The following XG variants were observed in gnomAD, a reference collection of about 807,000 sequenced individuals.
XG encodes the protein Xg glycoprotein (Xg blood group).
In XG, 24 loss-of-function variants were observed where a neutral mutation model predicts 25.7. That is an observed-to-expected ratio of 0.93 (90% CI 0.68 to 1.31). The LOEUF is 1.31. XG is among the 40% of genes most tolerant of loss of function. The pLI is 0.00. For missense variants in XG, 181 were observed against 187.6 expected, an observed-to-expected ratio of 0.96 and a Z score of 0.21; for synonymous variants, 77 against 69.2, an observed-to-expected ratio of 1.11 and a Z score of -0.56.
chrX:2,782,598 T>TGA (rs1340331950), intron 4 of XG, among the ~76,000 whole-genome samples: 1 of 110,862 alleles, frequency 9.0e-6, no homozygotes, highest in African/African-American at 3.3e-5. Context: ...CATAGGGGGT[T>TGA]GAAGTGAGGT....
chrX:2,756,481 A>G, intron 1 of XG, among the ~76,000 whole-genome samples: 1 of 152,354 alleles, frequency 6.6e-6, no homozygotes, highest in Middle Eastern at 3.4e-3. Context: ...ACAAATATTT[A>G]AGGTGGATGG....
At chrX:2,770,044 G>A (rs1388442597) in intron 1 of XG, among the ~76,000 whole-genome samples, 6 of 150,188 alleles carry the variant, frequency 4.0e-5, no homozygotes, top group East Asian at 3.9e-4. Context: ...GTTGGGGGGC[G>A]GGGATATGCC....
intron 1 of XG, among the ~76,000 whole-genome samples, chrX:2,766,208 T>G (rs745801114): frequency 1.3e-5 from 2 of 152,304 alleles, no homozygotes; most frequent in East Asian, 3.9e-4. Flanking sequence ...TGGCACAGTC[T>G]TGGCTCACTG....
intron 6 of XG, 140 bp downstream of exon 6, chrX:2,794,743 ACAGAGAAGGCCCCATGGCCGCAT>A: frequency 1.4e-6 from 1 of 699,508 alleles, no homozygotes; most frequent in Non-Finnish European, 2.1e-6. Flanking sequence ...GCAGGGGATG[ACAGAGAAGGCCCCATGGCCGCAT>A]CAGTGGGGTT....
intron 1 of XG, among the ~76,000 whole-genome samples, chrX:2,766,562 T>A (rs1261343384): frequency 7.4e-5 from 2 of 26,850 alleles, no homozygotes; most frequent in African/African-American, 3.9e-4. Flanking sequence ...GGCCACTTTT[T>A]TTTTTTTTTT....
intron 7 of XG, among the ~76,000 whole-genome samples, chrX:2,799,481 G>GAA (rs1209246772): frequency 9.0e-6 from 1 of 111,562 alleles, no homozygotes. Flanking sequence ...CTGGCTCAGT[G>GAA]AATCTGTGTT....
chrX:2,758,964 C>CTATT (rs1363707523), intron 1 of XG, among the ~76,000 whole-genome samples: 2 of 151,968 alleles, frequency 1.3e-5, no homozygotes, highest in Non-Finnish European at 2.9e-5. Context: ...ATTTATCTAT[C>CTATT]TTTCTACCTA....
At chrX:2,786,258 G>GTTTTTTTTTTTTTTTTTTTTTTT (rs1569039363) in intron 4 of XG, among the ~76,000 whole-genome samples, 1 of 26,267 alleles carries the variant, frequency 3.8e-5, no homozygotes, top group African/African-American at 1.3e-4. Flanking sequence ...TATCCATGTT[G>GTTTTTTTTTTTTTTTTTTTTTTT]TCTTTTTTTT....
chrX:2,759,525 A>G lies in XG; in HGVS notation c.61+7190A>G, dbSNP rs755848304. ...TCTTTTCCCCATAGGGCATAGAGCC[A>G]TGGCACATATAACCCAGAAGCTGAG... On this transcript the variant is annotated intron_variant, in intron 1 of 10. Transcript: ENST00000644266. Among the ~76,000 whole-genome samples, 168 of 152,358 alleles carry G rather than the reference A, an allele frequency of 1.1e-3. 1 individual carries two copies. Among genetic ancestry groups the G allele is most frequent in the African/African-American group, 3.8e-3 (160 of 41,578 alleles).
intron 2 of XG, among the ~76,000 whole-genome samples, chrX:2,770,840 A>T (rs1328155533): frequency 6.6e-6 from 1 of 151,950 alleles, no homozygotes; most frequent in Non-Finnish European, 1.5e-5. Context: ...GTATTTTATT[A>T]TTTTATTTTA....
chrX:2,807,518 CGGTGTGTGCATGTGCACACATG>C lies in XG; in HGVS notation c.419-666_419-645del, dbSNP rs1253203475. ...TACAGGTGTAAACATGTGCACACAT[CGGTGTGTGCATGTGCACACATG>C]TGTACATGTGTATGTTTAGGCGAAT... On this transcript the variant is annotated intron_variant, in intron 8 of 10. Transcript: ENST00000644266. Among the ~76,000 whole-genome samples, 10 of 5,797 alleles carry C rather than the reference CGGTGTGTGCATGTGCACACATG, an allele frequency of 1.7e-3. No individual in the cohort carries two copies. The Non-Finnish European group carries it at 0.019, about 11-fold the overall frequency. 5.0% of individuals were successfully genotyped at this position (5,797 alleles called of 115,157 possible). A position where few individuals can be genotyped will look rare whatever the true frequency, so the allele number is the denominator to read the frequency against.
At chrX:2,809,141 CAGG>C (rs2087031117) in intron 9 of XG, among the ~76,000 whole-genome samples, 1 of 110,876 alleles carries the variant, frequency 9.0e-6, no homozygotes, top group Admixed American at 9.6e-5. Flanking sequence ...GGGAGGTGCC[CAGG>C]AGAAGAGTGA....
At position 2,814,724 on chromosome X, in the gene XG, A is replaced by G. The variant is rs897980917; in HGVS notation, c.*344A>G. 5.0e-5 allele frequency: 9 copies of G among 178,522 alleles called. No individual in the cohort carries two copies. Among genetic ancestry groups the G allele is most frequent in the Non-Finnish European group, 9.2e-5 (9 of 97,796 alleles). 14.7% of individuals were successfully genotyped at this position (178,522 alleles called of 1,213,427 possible). A position where few individuals can be genotyped will look rare whatever the true frequency, so the allele number is the denominator to read the frequency against. ...ACACACGCTTAACCATGTTGATGGC[A>G]CAAAGCGGTGAGCAGTAGGGAGGTA... On this transcript the variant is annotated 3_prime_UTR_variant, in exon 11 of 11. Coordinates refer to ENST00000644266, the MANE Select transcript of XG (RefSeq NM_001141919.2).
intron 1 of XG, among the ~76,000 whole-genome samples, chrX:2,753,759 T>A (rs1278313589): frequency 6.6e-6 from 1 of 152,048 alleles, no homozygotes; most frequent in Non-Finnish European, 1.5e-5. Flanking sequence ...ATTTTTCTAT[T>A]TTTAGTAGAG....
chrX:2,758,956 T>TTATG (rs1556356039), intron 1 of XG, among the ~76,000 whole-genome samples: 2 of 151,768 alleles, frequency 1.3e-5, no homozygotes, highest in Non-Finnish European at 2.9e-5. Flanking sequence ...ATCTATCTAT[T>TTATG]TATCTATCTT....
intron 1 of XG, among the ~76,000 whole-genome samples, chrX:2,759,831 G>A (rs1225230887): frequency 2.0e-5 from 3 of 152,206 alleles, no homozygotes; most frequent in Non-Finnish European, 2.9e-5. Context: ...AGCTCCTGGG[G>A]ATTCCCCCGA....
chrX:2,776,824 G>A (rs866570818), intron 3 of XG, among the ~76,000 whole-genome samples: 2 of 151,384 alleles, frequency 1.3e-5, no homozygotes, highest in South Asian at 4.2e-4. Context: ...TCCAGCCTGG[G>A]CGACAGAGCG....
rs778529174 is a variant in XG, at chrX:2,763,815, C to T, written c.62-6735C>T. Reference sequence around the variant, plus strand: ...TGCCCTCTAAATAGCTCGGAATAAACGCCTCACTTCCTCACGCTGCAATCC... The same window carrying T: ...TGCCCTCTAAATAGCTCGGAATAAATGCCTCACTTCCTCACGCTGCAATCC... On this transcript the variant is annotated intron_variant, in intron 1 of 10. Coordinates refer to ENST00000644266, the MANE Select transcript of XG (RefSeq NM_001141919.2). Among the ~76,000 whole-genome samples the T allele has an allele frequency of 7.2e-5, 11 of 152,302 alleles. No homozygotes were observed. The South Asian group carries it at 8.3e-4, about 11-fold the overall frequency.
At chrX:2,780,919 A>T (rs1429236433) in intron 3 of XG, among the ~76,000 whole-genome samples, 1 of 151,444 alleles carries the variant, frequency 6.6e-6, no homozygotes, top group African/African-American at 2.4e-5. Context: ...CAGAGGGGGG[A>T]CTTTGAATAG....
Sources: allele counts gnomAD v4.1 joint callset (sites outside exome capture counted in the v4.1 genomes callset), GRCh38; gene constraint gnomAD v4.1.1; transcripts MANE v1.5; gene names NCBI Gene and HGNC (gene_info 2026-07-23, HGNC 2026-07-21).